The following ERBB4 variants were observed in gnomAD, a reference collection of about 807,000 sequenced individuals.
ERBB4 encodes receptor tyrosine-protein kinase erbB-4.
ERBB4 carries 42 observed loss-of-function variants against 158.0 expected under a neutral mutation model. The ratio of observed to expected loss-of-function variants is 0.27; its 90% confidence interval spans 0.21 to 0.34. ERBB4 has a LOEUF of 0.34. ERBB4 is among the 10% of genes least tolerant of loss of function. The pLI is 1.00. For synonymous variants in ERBB4, 583 were observed against 558.7 expected (o/e 1.04, Z -0.61); for missense variants, 1,333 against 1,624.1 (o/e 0.82, Z 3.08).
intron 25 of ERBB4, among the ~76,000 whole-genome samples, chr2:211,392,826 C>A (rs1355771202): frequency 1.3e-5 from 2 of 152,030 alleles, no homozygotes; most frequent in Admixed American, 6.6e-5. Context: ...CACCACCACG[C>A]CTGGCTAATT....
intron 20 of ERBB4, among the ~76,000 whole-genome samples, chr2:211,456,218 G>A (rs1183671015): frequency 6.6e-6 from 1 of 152,098 alleles, no homozygotes; most frequent in African/African-American, 2.4e-5. Context: ...GAAATGAATG[G>A]GGCACAGTAT....
chr2:211,949,868 C>T (rs1283913162), intron 2 of ERBB4, among the ~76,000 whole-genome samples: 3 of 152,162 alleles, frequency 2.0e-5, no homozygotes, highest in African/African-American at 7.2e-5. Context: ...TTACTTCTTA[C>T]CTTCTACTAC....
chr2:211,733,778 G>A lies in ERBB4; in HGVS notation c.623-8584C>T, dbSNP rs562010674. On this transcript the variant is annotated intron_variant, in intron 5 of 27. Coordinates refer to ENST00000342788, the MANE Select transcript of ERBB4 (RefSeq NM_005235.3). ...TATAATCTCTCTCTCACTCAATTTT[G>A]CAATAAAAATACCCACAGAAGGGCC... 1.1e-3 allele frequency among the ~76,000 whole-genome samples: 168 copies of A among 151,362 alleles called. 8 individuals carry two copies. The highest frequency in any genetic ancestry group is 3.8e-3 in the African/African-American group (157 of 40,832).
intron 2 of ERBB4, among the ~76,000 whole-genome samples, chr2:212,035,208 T>C (rs1014521804): frequency 2.6e-5 from 4 of 152,212 alleles, no homozygotes; most frequent in African/African-American, 9.6e-5. Flanking sequence ...TCCTATAGAA[T>C]AAAGTCCATG....
chr2:211,653,103 T>G (rs1176554253), intron 16 of ERBB4, among the ~76,000 whole-genome samples: 1 of 152,092 alleles, frequency 6.6e-6, no homozygotes, highest in Non-Finnish European at 1.5e-5. Flanking sequence ...CAGAAAAGAA[T>G]GAAAAAGTCT....
In ERBB4 at chr2:211,950,813, G is replaced by A. The variant is rs188664051; in HGVS notation, c.235-3197C>T. 2.4e-4 allele frequency among the ~76,000 whole-genome samples: 36 copies of A among 152,130 alleles called. No homozygotes were observed. In the East Asian group the frequency reaches 4.8e-3, roughly 20 times the overall value. On this transcript the variant is annotated intron_variant, in intron 2 of 27. Coordinates refer to ENST00000342788, the MANE Select transcript of ERBB4 (RefSeq NM_005235.3). ...AACTCAGCAGTGATATGCATTGTTC[G>A]TACACAGCAATTTGTTTAAAATTGC...
intron 3 of ERBB4, among the ~76,000 whole-genome samples, chr2:211,807,121 A>C (rs865933573): frequency 6.6e-6 from 1 of 152,224 alleles, no homozygotes; most frequent in Middle Eastern, 3.4e-3. Context: ...TGAGCTAGAG[A>C]GTAGACAAAA....
intron 3 of ERBB4, among the ~76,000 whole-genome samples, chr2:211,791,589 T>C (rs76818951): frequency 0.019 from 2,830 of 151,896 alleles, 80 homozygotes; most frequent in African/African-American, 0.065. Flanking sequence ...CTGCAGAAAA[T>C]TATCAGAGTA....
intron 20 of ERBB4, among the ~76,000 whole-genome samples, chr2:211,501,779 C>T (rs1337872297): frequency 6.6e-6 from 1 of 151,980 alleles, no homozygotes; most frequent in Non-Finnish European, 1.5e-5. Flanking sequence ...CTATTAAATA[C>T]AATATATAAA....
chr2:211,774,462 G>A (rs1156652712), intron 4 of ERBB4, among the ~76,000 whole-genome samples: 2 of 151,852 alleles, frequency 1.3e-5, no homozygotes, highest in Admixed American at 1.3e-4. Context: ...GCTGCATAGG[G>A]TCTTCTCACC....
At chr2:211,798,720 T>G (rs929367775) in intron 3 of ERBB4, among the ~76,000 whole-genome samples, 4 of 152,064 alleles carry the variant, frequency 2.6e-5, no homozygotes, top group Non-Finnish European at 4.4e-5. Flanking sequence ...ATACATGAAA[T>G]CCCCATTAAG....
In ERBB4 at chr2:211,772,051, A is replaced by G. The variant is rs180780387; in HGVS notation, c.556+15974T>C. Reference sequence around the variant, plus strand: ...ATACTAGAAATTCATTATTTCCTGAATAGTTTACAATGTTTTACTATCTTC... The same window carrying G: ...ATACTAGAAATTCATTATTTCCTGAGTAGTTTACAATGTTTTACTATCTTC... On this transcript the variant is annotated intron_variant, in intron 4 of 27. Transcript: ENST00000342788. Among the ~76,000 whole-genome samples, 14 of 152,292 alleles carry G rather than the reference A, an allele frequency of 9.2e-5. No individual in the cohort carries two copies. In the East Asian group the frequency reaches 2.7e-3, roughly 29 times the overall value.
In ERBB4 at chr2:212,002,749, A is replaced by C. The variant is rs78264212; in HGVS notation, c.235-55133T>G. Among the ~76,000 whole-genome samples, 1,070 of 152,192 alleles carry C rather than the reference A, an allele frequency of 7.0e-3. 8 individuals carry two copies. Among genetic ancestry groups the C allele is most frequent in the African/African-American group, 0.024 (992 of 41,538 alleles). ...TGAATTTGTTATGAATAAATATAGA[A>C]GTCTTAGACGTTTGAAAAATGAATG... On this transcript the variant is annotated intron_variant, in intron 2 of 27. Transcript: ENST00000342788.
chr2:212,177,116 G>A (rs1384278198), intron 1 of ERBB4, among the ~76,000 whole-genome samples: 2 of 151,688 alleles, frequency 1.3e-5, no homozygotes, highest in Non-Finnish European at 2.9e-5. Flanking sequence ...CATATTAAGT[G>A]CTCAAGTTTT....
intron 1 of ERBB4, among the ~76,000 whole-genome samples, chr2:212,456,455 GATTA>G (rs1478034586): frequency 8.6e-5 from 13 of 151,768 alleles, no homozygotes; most frequent in African/African-American, 2.7e-4. Context: ...TGTAAGAGAT[GATTA>G]ATTATTACAG....
rs532707774 is a variant in ERBB4 at position 211,963,948 on chromosome 2, GAACAA to G, written c.235-16337_235-16333del. Among the ~76,000 whole-genome samples, 31 of 152,160 alleles carry G rather than the reference GAACAA, an allele frequency of 2.0e-4. No individual in the cohort carries two copies. The South Asian group carries it at 6.4e-3, about 32-fold the overall frequency. On this transcript the variant is annotated intron_variant, in intron 2 of 27. Transcript: ENST00000342788. ...AAAAATAACAATGTCTCACAGGGAG[GAACAA>G]ATGAAAAAATGAATAGTCTCTTTGC...
intron 2 of ERBB4, among the ~76,000 whole-genome samples, chr2:212,062,065 T>C (rs528591328): frequency 6.6e-6 from 1 of 152,274 alleles, no homozygotes; most frequent in East Asian, 1.9e-4. Flanking sequence ...GTTAAAAAAA[T>C]CTATATCTGT....
chr2:212,407,567 A>G (rs2091382390), intron 1 of ERBB4, among the ~76,000 whole-genome samples: 1 of 152,138 alleles, frequency 6.6e-6, no homozygotes, highest in Non-Finnish European at 1.5e-5. Context: ...ATGTATATAT[A>G]TGTATTTAAG....
intron 2 of ERBB4, among the ~76,000 whole-genome samples, chr2:212,062,977 T>C (rs1160301335): frequency 6.6e-6 from 1 of 152,214 alleles, no homozygotes; most frequent in Non-Finnish European, 1.5e-5. Context: ...TGAGTTATTG[T>C]GAAAATTGAA....
Sources: allele counts gnomAD v4.1 joint callset (sites outside exome capture counted in the v4.1 genomes callset), GRCh38; gene constraint gnomAD v4.1.1; transcripts MANE v1.5; gene names NCBI Gene and HGNC (gene_info 2026-07-23, HGNC 2026-07-21).